The following ANKRD36C variants were observed in gnomAD, a reference collection of about 807,000 sequenced individuals.
ANKRD36C encodes ankyrin repeat domain-containing protein 36C.
In ANKRD36C, 61 loss-of-function variants were observed where a neutral mutation model predicts 276.4. The observed-to-expected ratio is 0.22, with a 90% CI of 0.18 to 0.27. The LOEUF (loss-of-function observed/expected upper bound fraction) is 0.27. Among genes scored for constraint, ANKRD36C ranks in the 10% least tolerant of loss-of-function variants. The pLI, the probability that ANKRD36C is intolerant of heterozygous loss-of-function variation, is 1.00. For missense variants in ANKRD36C, 1,447 were observed against 2,032.3 expected, an observed-to-expected ratio of 0.71 and a Z score of 5.54; for synonymous variants, 483 against 680.1, an observed-to-expected ratio of 0.71 and a Z score of 4.51.
chr2:95,948,739 A>G (rs1258457685), intron 16 of ANKRD36C, 143 bp from the exon 17 acceptor site: 1 of 676,602 alleles, frequency 1.5e-6, no homozygotes, highest in African/African-American at 1.8e-5. Flanking sequence ...TATATTAAAT[A>G]ATATTTCTTG....
chr2:95,949,497 T>C (rs1573795077), intron 16 of ANKRD36C, among the ~76,000 whole-genome samples: 1 of 152,298 alleles, frequency 6.6e-6, no homozygotes, highest in East Asian at 1.9e-4. Context: ...ATCTACATCT[T>C]CAAATTTGGC....
chr2:95,938,539 T>A (rs1351457111), intron 22 of ANKRD36C, among the ~76,000 whole-genome samples: 1 of 152,122 alleles, frequency 6.6e-6, no homozygotes, highest in Non-Finnish European at 1.5e-5. Flanking sequence ...AAATATTTAG[T>A]GTCAAAATAC....
At chr2:95,931,622 C>G (rs879543593) in intron 24 of ANKRD36C, among the ~76,000 whole-genome samples, 3 of 147,064 alleles carry the variant, frequency 2.0e-5, no homozygotes, top group Non-Finnish European at 4.5e-5. Context: ...GCACCAAAAT[C>G]TTCAGAAATA....
At chr2:95,937,377 T>C in intron 22 of ANKRD36C, among the ~76,000 whole-genome samples, 1 of 152,304 alleles carries the variant, frequency 6.6e-6, no homozygotes, top group East Asian at 1.9e-4. Context: ...AAGACAAGGC[T>C]AGATCCTTAC....
At chr2:95,882,519 T>G in intron 54 of ANKRD36C, 22 bp from the exon 75 acceptor site, 1 of 1,550,510 alleles carries the variant, frequency 6.4e-7, no homozygotes, top group South Asian at 1.2e-5. Context: ...AAGAAATATA[T>G]AATCCATCAT....
At chr2:95,852,350 C>G in intron 64 of ANKRD36C, 154 bp from the exon 85 acceptor site, 2 of 657,888 alleles carry the variant, frequency 3.0e-6, no homozygotes, top group Middle Eastern at 4.2e-4. Context: ...CATCCCATTA[C>G]CTGTTTTTTG....
chr2:95,911,483 G>A (rs1461972871), intron 42 of ANKRD36C, among the ~76,000 whole-genome samples: 5 of 151,386 alleles, frequency 3.3e-5, no homozygotes, highest in Non-Finnish European at 7.4e-5. Flanking sequence ...TTATCCAAGA[G>A]GTGGCTCCTT....
chr2:95,911,944 G>A (rs967823564), intron 42 of ANKRD36C, among the ~76,000 whole-genome samples: 2 of 151,368 alleles, frequency 1.3e-5, no homozygotes, highest in East Asian at 2.0e-4. Context: ...TTACACCCTT[G>A]ATGAAAAGAT....
intron 6 of ANKRD36C, among the ~76,000 whole-genome samples, chr2:95,969,230 C>T (rs2104518482): frequency 6.6e-6 from 1 of 152,264 alleles, no homozygotes; most frequent in East Asian, 1.9e-4. Flanking sequence ...ACCCTGAAGC[C>T]ATCTGGAGGC....
In ANKRD36C at chr2:95,918,051, C is replaced by A; in HGVS notation, c.2246-9G>T. ...TTGTTTCTGAGAAGACACTGAAAAG[C>A]AAAAGGGATACATAATCACTCATGT... On this transcript the variant is annotated splice_polypyrimidine_tract_variant and intron_variant, in intron 34 of 66. Coordinates refer to ENST00000456556, the Ensembl canonical transcript of ANKRD36C. 1.3e-6 allele frequency: 2 copies of A among 1,599,636 alleles called. No individual in the cohort carries two copies. The highest frequency in any genetic ancestry group is 1.7e-6 in the Non-Finnish European group (2 of 1,174,928).
intron 44 of ANKRD36C, 116 bp from the exon 59 acceptor site, chr2:95,897,581 G>T: frequency 4.5e-6 from 6 of 1,323,778 alleles, no homozygotes; most frequent in Non-Finnish European, 6.3e-6. Context: ...CGTAGGCTTT[G>T]ATGGCTTCTA....
chr2:95,859,398 ATAAAT>A (rs1228675353), intron 61 of ANKRD36C, among the ~76,000 whole-genome samples: 4 of 152,196 alleles, frequency 2.6e-5, no homozygotes, highest in Non-Finnish European at 5.9e-5. Context: ...TGGTTGAATT[ATAAAT>A]TAATATAAAC....
chr2:95,909,634 C>T (rs897839100), intron 42 of ANKRD36C, among the ~76,000 whole-genome samples: 3 of 135,382 alleles, frequency 2.2e-5, no homozygotes, highest in Admixed American at 7.6e-5. Context: ...AACAAGGAAG[C>T]CAATGTATTC....
chr2:95,890,132 G>A, intron 46 of ANKRD36C, 138 bp from the exon 67 acceptor site: 1 of 1,187,106 alleles, frequency 8.4e-7, no homozygotes, highest in East Asian at 2.5e-5. Context: ...ATTGTGTCGG[G>A]GACAAGAACA....
At position 95,889,736 on chromosome 2, in the gene ANKRD36C, T is replaced by C. The variant is rs1289201237; in HGVS notation, c.2959+63A>G. 8 of 1,520,020 alleles carry C rather than the reference T, an allele frequency of 5.3e-6. No homozygotes were observed. The African/African-American group carries it at 1.1e-4, about 21-fold the overall frequency. 94.2% of individuals were successfully genotyped at this position (1,520,020 alleles called of 1,614,324 possible). A position where few individuals can be genotyped will look rare whatever the true frequency, so the allele number is the denominator to read the frequency against. ...TTGACGAACCCCCCGCTGCTTTATT[T>C]GGTGAAGAGAAGATCTCTTCTATCT... On this transcript the variant is annotated intron_variant, in intron 48 of 66. Transcript: ENST00000456556.
At chr2:95,977,746 T>C (rs966412338) in intron 6 of ANKRD36C, among the ~76,000 whole-genome samples, 1 of 152,180 alleles carries the variant, frequency 6.6e-6, no homozygotes, top group African/African-American at 2.4e-5. Context: ...TATTGATTCA[T>C]TTAGTAATTG....
At chr2:95,867,501 C>T (rs1034048509) in exon 60 of ANKRD36C, 96 of 1,412,988 alleles carry the variant, frequency 6.8e-5, no homozygotes, top group Middle Eastern at 2.5e-4. Context: ...TACAGCAAAG[C>T]GAGTCACCGT....
chr2:95,873,810 G>A (rs575007337), intron 59 of ANKRD36C, among the ~76,000 whole-genome samples: 2 of 152,214 alleles, frequency 1.3e-5, no homozygotes, highest in Admixed American at 6.5e-5. Flanking sequence ...TCCTTAAGCT[G>A]ATCAGCAACT....
At chr2:95,936,079 C>G (rs1194555296) in intron 22 of ANKRD36C, among the ~76,000 whole-genome samples, 4 of 151,802 alleles carry the variant, frequency 2.6e-5, no homozygotes, top group African/African-American at 9.8e-5. Flanking sequence ...ATGCACGCTT[C>G]TGGTGTTTTT....
Sources: gnomAD v4.1 joint callset for allele counts (sites outside exome capture counted in the v4.1 genomes callset) on GRCh38, gnomAD v4.1.1 for gene constraint, MANE v1.5 for transcripts, NCBI Gene and HGNC (gene_info 2026-07-23, HGNC 2026-07-21) for gene names.